CDH18: variants seen among roughly 807,000 people sequenced by gnomAD.
The protein encoded by CDH18 is cadherin 18, also known as cadherin-18.
Under a neutral mutation model 67.9 loss-of-function variants are expected in CDH18, and 31 were observed. That is an observed-to-expected ratio of 0.46 (90% CI 0.34 to 0.62). CDH18 has a LOEUF of 0.62. Among genes scored for constraint, CDH18 ranks in the 20% least tolerant of loss-of-function variants. The probability of loss-of-function intolerance (pLI) is 0.01; values close to 1 mark genes in which losing one functional copy is unlikely to be tolerated. For synonymous variants in CDH18, 362 were observed against 347.2 expected, an observed-to-expected ratio of 1.04 and a Z score of -0.48; for missense variants, 890 against 975.5, an observed-to-expected ratio of 0.91 and a Z score of 1.17.
intron 2 of CDH18, among the ~76,000 whole-genome samples, chr5:20,118,127 T>C (rs767607039): frequency 1.3e-4 from 20 of 152,148 alleles, no homozygotes; most frequent in Non-Finnish European, 2.8e-4. Context: ...AGGTGGTATA[T>C]CAGCAAGTTT....
chr5:19,796,773 C>T (rs781125130), intron 3 of CDH18, among the ~76,000 whole-genome samples: 5 of 151,824 alleles, frequency 3.3e-5, no homozygotes, highest in Non-Finnish European at 7.4e-5. Flanking sequence ...AGTCACAGAA[C>T]CAAAATGGAA....
At chr5:19,818,004 T>G (rs1462984150) in intron 3 of CDH18, among the ~76,000 whole-genome samples, 2 of 152,288 alleles carry the variant, frequency 1.3e-5, no homozygotes, top group East Asian at 3.9e-4. Context: ...AAAATATTAT[T>G]TTCTTTCCAT....
At chr5:20,408,104 G>T (rs1746449905) in intron 1 of CDH18, among the ~76,000 whole-genome samples, 1 of 151,920 alleles carries the variant, frequency 6.6e-6, no homozygotes, top group Non-Finnish European at 1.5e-5. Context: ...AAGGGCCTGG[G>T]ATAAATTACT....
chr5:20,374,801 CCAAAG>C (rs1199010491), intron 1 of CDH18, among the ~76,000 whole-genome samples: 1 of 151,980 alleles, frequency 6.6e-6, no homozygotes, highest in Non-Finnish European at 1.5e-5. Context: ...AAAAATATAT[CCAAAG>C]CAAAACTGAT....
intron 2 of CDH18, among the ~76,000 whole-genome samples, chr5:19,980,715 TC>T (rs1237073582): frequency 6.6e-6 from 1 of 152,172 alleles, no homozygotes; most frequent in East Asian, 1.9e-4. Context: ...TTAAGTGCAA[TC>T]TAATATTGCA....
At chr5:20,245,300 T>A (rs1743292749) in intron 2 of CDH18, among the ~76,000 whole-genome samples, 1 of 152,114 alleles carries the variant, frequency 6.6e-6, no homozygotes, top group South Asian at 2.1e-4. Flanking sequence ...AGGTTCTAAA[T>A]CATTTTTATA....
chr5:19,815,720 T>A (rs907764578), intron 3 of CDH18, among the ~76,000 whole-genome samples: 13 of 151,884 alleles, frequency 8.6e-5, no homozygotes, highest in African/African-American at 3.1e-4. Flanking sequence ...CCGTAACTAA[T>A]CCTATGAACA....
At chr5:19,820,790 A>G (rs772643039) in intron 3 of CDH18, among the ~76,000 whole-genome samples, 3 of 152,160 alleles carry the variant, frequency 2.0e-5, no homozygotes, top group Non-Finnish European at 4.4e-5. Context: ...CTCTACCTGG[A>G]TCACCTGTGA....
intron 5 of CDH18, among the ~76,000 whole-genome samples, chr5:19,703,864 T>C (rs1763606782): frequency 6.6e-6 from 1 of 152,236 alleles, no homozygotes; most frequent in Non-Finnish European, 1.5e-5. Context: ...TTAAAGAATG[T>C]TGCTGTCTCC....
chr5:19,961,290 G>A (rs2150304965), intron 2 of CDH18, among the ~76,000 whole-genome samples: 1 of 151,784 alleles, frequency 6.6e-6, no homozygotes, highest in Non-Finnish European at 1.5e-5. Context: ...TGTATTTTTA[G>A]TAGAGATGGG....
chr5:19,860,573 C>A, intron 2 of CDH18, among the ~76,000 whole-genome samples: 1 of 151,408 alleles, frequency 6.6e-6, no homozygotes, highest in East Asian at 1.9e-4. Flanking sequence ...ATATAATATA[C>A]TTTAAGGTAC....
chr5:19,994,855 T>TATATATATATATATATAGAGAGAGAG (rs760777430), intron 2 of CDH18, among the ~76,000 whole-genome samples: 3 of 67,586 alleles, frequency 4.4e-5, no homozygotes, highest in Non-Finnish European at 7.6e-5. Context: ...TATATATATA[T>TATATATATATATATATAGAGAGAGAG]AGAGAGAGAG....
intron 2 of CDH18, among the ~76,000 whole-genome samples, chr5:20,026,171 C>T (rs1338615048): frequency 1.3e-5 from 2 of 152,154 alleles, no homozygotes; most frequent in Non-Finnish European, 2.9e-5. Context: ...CGTAAGAACA[C>T]ATTGCCTTTC....
At chr5:19,837,638 C>T (rs1302156307) in intron 3 of CDH18, among the ~76,000 whole-genome samples, 1 of 152,080 alleles carries the variant, frequency 6.6e-6, no homozygotes, top group Non-Finnish European at 1.5e-5. Context: ...GACTCCACAG[C>T]TCCTGCCTTG....
intron 2 of CDH18, among the ~76,000 whole-genome samples, chr5:19,861,009 G>C (rs1304808887): frequency 1.3e-5 from 2 of 151,966 alleles, no homozygotes; most frequent in African/African-American, 4.8e-5. Flanking sequence ...TCTCATGAAT[G>C]CATGAGTTGA....
Position 19,534,376 on chromosome 5 carries a change from G to C in CDH18, c.1390+9493C>G, listed in dbSNP as rs181613308. ...ATCTCCCCAGGTTGTGAATGAGAAT[G>C]CATGAACCCAACTTTAGCGTCACTC... On this transcript the variant is annotated intron_variant, in intron 9 of 12. Coordinates refer to ENST00000382275, the MANE Select transcript of CDH18 (RefSeq NM_004934.5). Among the ~76,000 whole-genome samples, 244 of 152,026 alleles carry C rather than the reference G, an allele frequency of 1.6e-3. 2 individuals carry two copies. The highest frequency in any genetic ancestry group is 1.8e-3 in the Non-Finnish European group (121 of 67,966).
chr5:20,484,574 T>C (rs4563631), intron 1 of CDH18, among the ~76,000 whole-genome samples: 6,245 of 152,132 alleles, frequency 0.041, 413 homozygotes, highest in African/African-American at 0.14. Flanking sequence ...ATGCTACATA[T>C]ACATAATGGA....
chr5:20,432,374 T>C (rs184917956), intron 1 of CDH18, among the ~76,000 whole-genome samples: 1 of 152,170 alleles, frequency 6.6e-6, no homozygotes, highest in South Asian at 2.1e-4. Context: ...GGTAAAGGGT[T>C]TGAGCTCAGA....
chr5:19,831,100 T>C (rs1377903498), intron 3 of CDH18, among the ~76,000 whole-genome samples: 1 of 152,140 alleles, frequency 6.6e-6, no homozygotes, highest in Non-Finnish European at 1.5e-5. Flanking sequence ...GCTTATTACC[T>C]GGGTAATGAA....
Sources: gnomAD v4.1 joint callset for allele counts (sites outside exome capture counted in the v4.1 genomes callset) on GRCh38, gnomAD v4.1.1 for gene constraint, MANE v1.5 for transcripts, NCBI Gene and HGNC (gene_info 2026-07-23, HGNC 2026-07-21) for gene names.